Variants in PDE4D observed in about 807,000 individuals in gnomAD.
The protein encoded by PDE4D is 3',5'-cyclic-AMP phosphodiesterase 4D.
In PDE4D, 24 loss-of-function variants were observed where a neutral mutation model predicts 87.4. The ratio of observed to expected loss-of-function variants is 0.27; its 90% CI spans 0.20 to 0.39. The LOEUF (loss-of-function observed/expected upper bound fraction) is 0.39. PDE4D is among the 10% of genes least tolerant of loss of function. The pLI, the probability that PDE4D is intolerant of heterozygous loss-of-function variation, is 1.00. For synonymous variants in PDE4D, 384 were observed against 383.2 expected (o/e 1.00, Z -0.02); for missense variants, 714 against 1,041.0 (o/e 0.69, Z 4.32).
intron 1 of PDE4D, among the ~76,000 whole-genome samples, chr5:59,345,365 G>A (rs1358428080): frequency 1.3e-5 from 2 of 152,098 alleles, no homozygotes; most frequent in African/African-American, 4.8e-5. Flanking sequence ...CAGAATAAAA[G>A]ATTATTTATT....
chr5:59,988,176 T>A, intron 3 of PDE4D: 1 of 243,682 alleles, frequency 4.1e-6, no homozygotes, highest in East Asian at 8.2e-5. Context: ...TTAGTTCTCA[T>A]TTGTTAAAAT....
At chr5:59,645,124 G>C (rs1742234220) in intron 1 of PDE4D, among the ~76,000 whole-genome samples, 1 of 152,042 alleles carries the variant, frequency 6.6e-6, no homozygotes, top group African/African-American at 2.4e-5. Flanking sequence ...TGAACTCTAG[G>C]AAAAAAATAG....
In PDE4D at chr5:59,110,379, C is replaced by A. The variant is rs572421469; in HGVS notation, c.808+70216G>T. On this transcript the variant is annotated intron_variant, in intron 5 of 14. Transcript: ENST00000340635. The stretch of plus-strand genomic sequence containing the variant: ...ACCAACTGTCTTTCCCTAGGCGATA[C>A]CCCTAGTAACTCCTAACCTCCAACT... 7.2e-5 allele frequency among the ~76,000 whole-genome samples: 11 copies of A among 152,070 alleles called. No individual in the cohort carries two copies. In the South Asian group the frequency reaches 1.9e-3, roughly 26 times the overall value.
chr5:60,483,992 T>C (rs1359345699), intron 1 of PDE4D, among the ~76,000 whole-genome samples: 1 of 152,168 alleles, frequency 6.6e-6, no homozygotes, highest in Non-Finnish European at 1.5e-5. Context: ...CCAAAAAGCA[T>C]AATGATTTTC....
intron 1 of PDE4D, among the ~76,000 whole-genome samples, chr5:59,616,243 T>C (rs1476478358): frequency 6.6e-6 from 1 of 152,024 alleles, no homozygotes; most frequent in Non-Finnish European, 1.5e-5. Context: ...TTTCCAAACA[T>C]GCTGGCTTTT....
At chr5:59,088,816 C>A (rs1768182908) in intron 5 of PDE4D, among the ~76,000 whole-genome samples, 1 of 152,078 alleles carries the variant, frequency 6.6e-6, no homozygotes, top group African/African-American at 2.4e-5. Flanking sequence ...GTGAGAGGAT[C>A]AGGAAAATCA....
intron 2 of PDE4D, among the ~76,000 whole-genome samples, chr5:60,158,116 G>C (rs1782149543): frequency 6.6e-6 from 1 of 152,116 alleles, no homozygotes; most frequent in Non-Finnish European, 1.5e-5. Context: ...TACATATTAA[G>C]TACAGTCATG....
intron 1 of PDE4D, among the ~76,000 whole-genome samples, chr5:59,730,563 C>T (rs1213291894): frequency 6.6e-6 from 1 of 152,096 alleles, no homozygotes; most frequent in East Asian, 1.9e-4. Flanking sequence ...CAAGCTATTT[C>T]AGATCAAAAC....
intron 1 of PDE4D, among the ~76,000 whole-genome samples, chr5:60,436,092 T>G (rs1019381828): frequency 1.3e-5 from 2 of 152,072 alleles, no homozygotes; most frequent in African/African-American, 4.8e-5. Context: ...GTAGCATTTC[T>G]TTAGGTAGGC....
At chr5:59,319,551 G>T (rs1211428390) in intron 1 of PDE4D, among the ~76,000 whole-genome samples, 1 of 152,074 alleles carries the variant, frequency 6.6e-6, no homozygotes, top group African/African-American at 2.4e-5. Flanking sequence ...CATAGCTATG[G>T]CTGGCTTTAG....
chr5:59,111,139 C>T (rs1480131066), intron 5 of PDE4D, among the ~76,000 whole-genome samples: 1 of 152,156 alleles, frequency 6.6e-6, no homozygotes, highest in Non-Finnish European at 1.5e-5. Flanking sequence ...ATAATCTATA[C>T]ACTTTTCTTG....
intron 6 of PDE4D, among the ~76,000 whole-genome samples, chr5:59,018,078 T>A (rs568218628): frequency 1.1e-4 from 17 of 152,316 alleles, no homozygotes; most frequent in African/African-American, 4.1e-4. Context: ...TCCAGCAGTG[T>A]CATGTGTCAG....
chr5:58,999,636 G>A, intron 6 of PDE4D: 3 of 1,173,566 alleles, frequency 2.6e-6, no homozygotes, highest in Non-Finnish European at 3.1e-6. Flanking sequence ...ACCTCCACAA[G>A]CCACGCAGAG....
chr5:60,479,658 C>T (rs780300660), intron 1 of PDE4D, among the ~76,000 whole-genome samples: 5 of 152,082 alleles, frequency 3.3e-5, no homozygotes, highest in Non-Finnish European at 5.9e-5. Context: ...ATGGTCTCTG[C>T]GGGAACCACT....
At chr5:59,508,929 T>G (rs1809771026) in intron 1 of PDE4D, among the ~76,000 whole-genome samples, 1 of 152,018 alleles carries the variant, frequency 6.6e-6, no homozygotes, top group African/African-American at 2.4e-5. Context: ...AAGGTTAAGA[T>G]AGGTGAATGA....
intron 1 of PDE4D, among the ~76,000 whole-genome samples, chr5:60,376,655 C>A (rs1042987806): frequency 6.6e-6 from 1 of 152,190 alleles, no homozygotes; most frequent in Admixed American, 6.5e-5. Flanking sequence ...TGATGTGATC[C>A]TGGTCACTCT....
chr5:60,101,755 T>C (rs926188581), intron 2 of PDE4D, among the ~76,000 whole-genome samples: 1 of 152,294 alleles, frequency 6.6e-6, no homozygotes, highest in East Asian at 1.9e-4. Flanking sequence ...ATTTCACAAA[T>C]GCTTCCTGCC....
At chr5:59,732,221 A>C (rs1026742389) in intron 1 of PDE4D, among the ~76,000 whole-genome samples, 1 of 152,136 alleles carries the variant, frequency 6.6e-6, no homozygotes, top group African/African-American at 2.4e-5. Context: ...GTGAATTTCA[A>C]TAAAATTCAC....
intron 1 of PDE4D, among the ~76,000 whole-genome samples, chr5:59,591,033 G>C (rs763754222): frequency 2.0e-5 from 3 of 152,160 alleles, no homozygotes; most frequent in Non-Finnish European, 4.4e-5. Context: ...CATCAGGTCA[G>C]CTGAGGGGCA....
Sources: gnomAD v4.1 joint callset for allele counts (sites outside exome capture counted in the v4.1 genomes callset) on GRCh38, gnomAD v4.1.1 for gene constraint, MANE v1.5 for transcripts, NCBI Gene and HGNC (gene_info 2026-07-23, HGNC 2026-07-21) for gene names.